The following GLS variants were observed in gnomAD, a reference collection of about 807,000 sequenced individuals.
GLS encodes glutaminase kidney isoform, mitochondrial.
Under a neutral mutation model 86.7 loss-of-function variants are expected in GLS, and 36 were observed. The observed-to-expected ratio is 0.42, with a 90% confidence interval of 0.32 to 0.55. GLS has a LOEUF of 0.55. GLS is among the 20% of genes least tolerant of loss of function. The pLI is 0.17. For synonymous variants in GLS, 317 were observed against 305.9 expected (o/e 1.04, Z -0.38); for missense variants, 528 against 833.4 (o/e 0.63, Z 4.51).
At chr2:190,884,631 A>G (rs1015396963) in intron 1 of GLS, among the ~76,000 whole-genome samples, 9 of 152,220 alleles carry the variant, frequency 5.9e-5, no homozygotes, top group African/African-American at 1.9e-4. Context: ...GAAGAGTCAG[A>G]GGGATAGAGG....
At chr2:190,923,766 A>C in intron 9 of GLS, 151 bp from the exon 10 acceptor site, 1 of 554,278 alleles carries the variant, frequency 1.8e-6, no homozygotes, top group African/African-American at 2.0e-5. Flanking sequence ...AAGTCACACA[A>C]ATAGCCTATT....
At position 190,930,331 on chromosome 2, in the gene GLS, T is replaced by A. The variant is rs1299382263; in HGVS notation, c.1426-106T>A. ...CCTTGGCCTCCCAAAGTGCTGAGAT[T>A]ACAGGAGTGAGCCATGGTGCCCAGC... is the stretch of plus-strand genomic sequence containing the variant. On this transcript the variant is annotated intron_variant, in intron 12 of 17. Coordinates refer to ENST00000320717, the MANE Select transcript of GLS (RefSeq NM_014905.5). The surrounding 1 kb of genome is among the most constrained non-coding windows in gnomAD (Gnocchi z 5.0). The A allele has an allele frequency of 3.7e-6, 3 of 820,662 alleles. No individual in the cohort carries two copies. Among genetic ancestry groups the A allele is most frequent in the Non-Finnish European group, 6.1e-6 (3 of 493,534 alleles). 50.8% of individuals were successfully genotyped at this position (820,662 alleles called of 1,614,324 possible).
intron 7 of GLS, among the ~76,000 whole-genome samples, chr2:190,917,505 C>G (rs962152846): frequency 2.0e-5 from 3 of 152,184 alleles, no homozygotes; most frequent in Non-Finnish European, 4.4e-5. Flanking sequence ...CACCTATGAT[C>G]ATGAAAGTTC....
In GLS at chr2:190,964,582, T is replaced by C. The variant is rs971051707; in HGVS notation, c.*1596T>C. ...GCCCTCCCATTACCTAGATGGCACC[T>C]CCTTTGGTGAAACCACGGCCAATGT... On this transcript the variant is annotated 3_prime_UTR_variant, in exon 18 of 18. Transcript: ENST00000320717. The surrounding 1 kb of genome is among the most constrained non-coding windows in gnomAD (Gnocchi z 5.2). 6.6e-6 allele frequency: 1 copy of C among 152,170 alleles called. No individual in the cohort carries two copies. Among genetic ancestry groups the C allele is most frequent in the African/African-American group, 2.4e-5 (1 of 41,444 alleles). The allele number at this position is 152,170 out of a possible 1,614,324, so 9.4% of individuals were successfully genotyped here.
At position 190,914,039 on chromosome 2, in the gene GLS, A is replaced by C. The variant is rs1483197970; in HGVS notation, c.1038+3718A>C. The stretch of plus-strand genomic sequence containing the variant: ...ACTCCTGGCCTAAAGTGATCCTCCA[A>C]GTTTGGCCTCCCAAAATGCTGGGAT... On this transcript the variant is annotated intron_variant, in intron 7 of 17. Transcript: ENST00000320717. The surrounding 1 kb of genome is among the most constrained non-coding windows in gnomAD (Gnocchi z 4.4). Among the ~76,000 whole-genome samples the C allele has an allele frequency of 6.6e-6, 1 of 152,130 alleles. No individual in the cohort carries two copies. The highest frequency in any genetic ancestry group is 1.5e-5 in the Non-Finnish European group (1 of 68,016).
intron 12 of GLS, 143 bp downstream of exon 12, chr2:190,927,625 G>T (rs1254038203): frequency 6.6e-6 from 4 of 602,420 alleles, no homozygotes; most frequent in Admixed American, 3.3e-5. Flanking sequence ...TTTGTTACAA[G>T]ATTAGTAAGG....
intron 1 of GLS, among the ~76,000 whole-genome samples, chr2:190,885,107 T>G (rs948829152): frequency 6.6e-6 from 1 of 152,192 alleles, no homozygotes; most frequent in African/African-American, 2.4e-5. Context: ...TTAGTATGGA[T>G]TTATGTTTTG....
rs1050734277 is a variant in GLS, at chr2:190,955,907, G to A, written c.1853+1089G>A. On this transcript the variant is annotated intron_variant, in intron 17 of 17. Transcript: ENST00000320717. This position sits in a 1 kb window ranked among gnomAD's most constrained non-coding sequence, Gnocchi z 5.6. The stretch of plus-strand genomic sequence containing the variant: ...TGATATTTTTTTCACATGTTTGTTG[G>A]CTGCATAAATGTCTTCTTTTGAGAA... Among the ~76,000 whole-genome samples the A allele has an allele frequency of 6.6e-6, 1 of 152,128 alleles. No homozygotes were observed. The highest frequency in any genetic ancestry group is 6.5e-5 in the Admixed American group (1 of 15,282).
In GLS at chr2:190,949,090, T is replaced by TAAAGAG. The variant is rs113398409; in HGVS notation, c.1651-4473_1651-4472insAGAGAA. On this transcript the variant is annotated intron_variant, in intron 14 of 17. Coordinates refer to ENST00000320717, the MANE Select transcript of GLS (RefSeq NM_014905.5). The surrounding 1 kb of genome is among the most constrained non-coding windows in gnomAD (Gnocchi z 4.0). ...ATTTGATTAGGAATCTGGGTGTTCT[T>TAAAGAG]AAGAGCATAGACACCAAGACAAAAA... 0.026 allele frequency among the ~76,000 whole-genome samples: 3,884 copies of TAAAGAG among 152,178 alleles called. 172 individuals carry two copies. The highest frequency in any genetic ancestry group is 0.087 in the African/African-American group (3,603 of 41,496).
chr2:190,909,175 A>G (rs1041835265), intron 6 of GLS, among the ~76,000 whole-genome samples: 2 of 151,280 alleles, frequency 1.3e-5, no homozygotes, highest in African/African-American at 2.4e-5. Flanking sequence ...CCCAAAATGT[A>G]GGATATTTTT....
chr2:190,886,910 T>G (rs919175845), intron 1 of GLS, among the ~76,000 whole-genome samples: 1 of 81,198 alleles, frequency 1.2e-5, no homozygotes, highest in African/African-American at 4.7e-5. Context: ...AGCGAGACTC[T>G]TGTCTCAAAA....
rs916046756 is a variant in GLS at position 190,881,031 on chromosome 2, G to T, written c.-54G>T. ...ACCGCGTTCCCCGAGGAAACCGGCC[G>T]CCCACGCCCGGAGCATCCTCCCCTG... is the stretch of plus-strand genomic sequence containing the variant. On this transcript the variant is annotated 5_prime_UTR_variant, in exon 1 of 18. Coordinates refer to ENST00000320717, the MANE Select transcript of GLS (RefSeq NM_014905.5). 21 of 1,517,916 alleles carry T rather than the reference G, an allele frequency of 1.4e-5. No homozygotes were observed. The highest frequency in any genetic ancestry group is 5.1e-5 in the East Asian group (2 of 39,586). 94.0% of individuals were successfully genotyped at this position (1,517,916 alleles called of 1,614,324 possible). A position where few individuals can be genotyped will look rare whatever the true frequency, so the allele number is the denominator to read the frequency against.
At chr2:190,948,884 C>G (rs1690645350) in intron 14 of GLS, among the ~76,000 whole-genome samples, 1 of 151,966 alleles carries the variant, frequency 6.6e-6, no homozygotes, top group South Asian at 2.1e-4. Flanking sequence ...GGAGGTAGAT[C>G]CAGGGTTGTG....
At position 190,963,040 on chromosome 2, in the gene GLS, T is replaced by C; in HGVS notation, c.*54T>C. The C allele has an allele frequency of 3.9e-6, 5 of 1,275,876 alleles. No homozygotes were observed. Among genetic ancestry groups the C allele is most frequent in the Middle Eastern group, 1.9e-4 (1 of 5,192 alleles). The allele number at this position is 1,275,876 out of a possible 1,614,324, so 79.0% of individuals were successfully genotyped here. ...TTACCTATTTAATTGTGGAAAATGATTATGAAGAACATGTGTATTTCTATC... is the reference window on the plus strand; with the variant it reads ...TTACCTATTTAATTGTGGAAAATGACTATGAAGAACATGTGTATTTCTATC... On this transcript the variant is annotated 3_prime_UTR_variant, in exon 18 of 18. Coordinates refer to ENST00000320717, the MANE Select transcript of GLS (RefSeq NM_014905.5).
intron 1 of GLS, among the ~76,000 whole-genome samples, chr2:190,883,820 G>A (rs1688287544): frequency 6.6e-6 from 1 of 152,064 alleles, no homozygotes; most frequent in Non-Finnish European, 1.5e-5. Context: ...CACATGGCTG[G>A]GATATCTGCG....
intron 7 of GLS, among the ~76,000 whole-genome samples, chr2:190,918,398 A>T (rs1326635107): frequency 6.6e-6 from 1 of 152,038 alleles, no homozygotes. Context: ...CTAGCTGCAA[A>T]CCCTTTTCCG....
intron 1 of GLS, among the ~76,000 whole-genome samples, chr2:190,889,342 G>A (rs1356199911): frequency 6.6e-6 from 1 of 152,092 alleles, no homozygotes; most frequent in African/African-American, 2.4e-5. Context: ...CTTCTCTTCT[G>A]TTACATACTC....
chr2:190,889,319 C>G (rs1688490438), intron 1 of GLS, among the ~76,000 whole-genome samples: 1 of 152,164 alleles, frequency 6.6e-6, no homozygotes, highest in Non-Finnish European at 1.5e-5. Context: ...CCCTTCTCCC[C>G]AGCTGCTGCT....
chr2:190,913,038 T>G lies in GLS; in HGVS notation c.1038+2717T>G, dbSNP rs1052540816. Among the ~76,000 whole-genome samples the G allele has an allele frequency of 3.3e-4, 13 of 39,844 alleles. No homozygotes were observed. The highest frequency in any genetic ancestry group is 7.5e-4 in the Non-Finnish European group (13 of 17,442). 26.1% of individuals were successfully genotyped at this position (39,844 alleles called of 152,430 possible). On this transcript the variant is annotated intron_variant, in intron 7 of 17. Coordinates refer to ENST00000320717, the MANE Select transcript of GLS (RefSeq NM_014905.5). This position sits in a 1 kb window ranked among gnomAD's most constrained non-coding sequence, Gnocchi z 6.1. The stretch of plus-strand genomic sequence containing the variant: ...TTTAATTGATGACCTTAAGGCTATT[T>G]GTGATTTTTTTTTTTCTTTCAAAAT...
Sources: allele counts gnomAD v4.1 joint callset (sites outside exome capture counted in the v4.1 genomes callset), GRCh38; gene constraint gnomAD v4.1.1; non-coding constraint Gnocchi (gnomAD v3.1); transcripts MANE v1.5; gene names NCBI Gene and HGNC (gene_info 2026-07-23, HGNC 2026-07-21).